CELSR1: variants seen among roughly 807,000 people sequenced by gnomAD.
The protein encoded by CELSR1 is adhesion G protein-coupled receptor C1.
In CELSR1, 110 loss-of-function variants were observed where a neutral mutation model predicts 249.1. The ratio of observed to expected loss-of-function variants is 0.44; its 90% CI spans 0.38 to 0.52. The LOEUF (loss-of-function observed/expected upper bound fraction) is 0.52, where lower values mean the gene tolerates loss of function less well. CELSR1 is among the 20% of genes least tolerant of loss of function. The pLI, the probability that CELSR1 is intolerant of heterozygous loss-of-function variation, is 0.00. For missense variants in CELSR1, 4,109 were observed against 4,296.4 expected, an observed-to-expected ratio of 0.96 and a Z score of 1.22; for synonymous variants, 2,113 against 1,900.0, an observed-to-expected ratio of 1.11 and a Z score of -2.92.
rs532031098 is a variant in CELSR1 at position 46,395,851 on chromosome 22, C to T, written c.5843+754G>A. ...GTGATGACTACGCACCTGTACCCAGCGATCCCCGTGCAAAGGGTACAGAGC... is the reference window on the plus strand; with the variant it reads ...GTGATGACTACGCACCTGTACCCAGTGATCCCCGTGCAAAGGGTACAGAGC... On this transcript the variant is annotated intron_variant, in intron 13 of 34. Transcript: ENST00000674500. The surrounding 1 kb of genome is among the most constrained non-coding windows in gnomAD (Gnocchi z 5.5). Among the ~76,000 whole-genome samples, 1 of 152,304 alleles carries T rather than the reference C, an allele frequency of 6.6e-6. No homozygotes were observed. The highest frequency in any genetic ancestry group is 2.4e-5 in the African/African-American group (1 of 41,560).
intron 1 of CELSR1, among the ~76,000 whole-genome samples, chr22:46,501,587 G>A (rs552126903): frequency 3.9e-5 from 6 of 152,128 alleles, no homozygotes; most frequent in African/African-American, 4.8e-5. Flanking sequence ...AGGAACCTAC[G>A]GAAACACGCA....
intron 1 of CELSR1, among the ~76,000 whole-genome samples, chr22:46,507,766 G>A (rs963655322): frequency 6.6e-6 from 1 of 152,196 alleles, no homozygotes; most frequent in Non-Finnish European, 1.5e-5. Context: ...CAGTGGGGCA[G>A]GGGCCCCACT....
rs139675248 is a variant in CELSR1, at chr22:46,364,708, G to T, written c.8583C>A (p.Ala2861=). The change falls in exon 33 of 35, where the codon GCC becomes GCA. Residue 2861 remains alanine, a synonymous_variant. Transcript: ENST00000674500. ...CAGCCAGGCTCTGGTCGGGCCAGCC[G>T]GCCGGAACGTGGTTGGCCACAGCGT... ...KGDAVANHVP[A]GWPDQSLAES... is the part of the protein sequence containing the mutation. 2.5e-6 allele frequency: 4 copies of T among 1,612,250 alleles called. No homozygotes were observed. Among genetic ancestry groups the T allele is most frequent in the African/African-American group, 1.3e-5 (1 of 74,928 alleles).
chr22:46,520,930 C>A (rs534198218), intron 1 of CELSR1, among the ~76,000 whole-genome samples: 4 of 152,286 alleles, frequency 2.6e-5, no homozygotes, highest in African/African-American at 7.2e-5. Flanking sequence ...TACTTCCTGT[C>A]TCTATGAATT....
At position 46,437,905 on chromosome 22, in the gene CELSR1, A is replaced by C. The variant is rs377657350; in HGVS notation, c.4406+1284T>G. ...TGAGCAGGGAGAAGGGATCTTAATG[A>C]CGACGGGACCAACTCAGTGCAGGCT... On this transcript the variant is annotated intron_variant, in intron 3 of 34. Coordinates refer to ENST00000674500, the MANE Select transcript of CELSR1 (RefSeq NM_001378328.1). This position sits in a 1 kb window ranked among gnomAD's most constrained non-coding sequence, Gnocchi z 4.9. Among the ~76,000 whole-genome samples, 6 of 152,328 alleles carry C rather than the reference A, an allele frequency of 3.9e-5. No homozygotes were observed. The East Asian group carries it at 7.7e-4, about 20-fold the overall frequency.
intron 32 of CELSR1, 144 bp from the exon 33 acceptor site, chr22:46,364,880 G>A (rs1472179941): frequency 2.7e-5 from 23 of 852,438 alleles, no homozygotes; most frequent in Middle Eastern, 3.4e-4. Flanking sequence ...GGGAAACTGA[G>A]GCCCAGGAGG....
In CELSR1 at chr22:46,362,068, A is replaced by G. The variant is rs768283250; in HGVS notation, c.*1155T>C. 1 of 152,290 alleles carries G rather than the reference A, an allele frequency of 6.6e-6. No individual in the cohort carries two copies. The highest frequency in any genetic ancestry group is 1.5e-5 in the Non-Finnish European group (1 of 68,060). The allele number at this position is 152,290 out of a possible 1,614,324, so 9.4% of individuals were successfully genotyped here. ...GAGAACCCTGCCTGGAGATCCTCGC[A>G]GTCTCAGAGAGTTAGAGAATTGGCA... On this transcript the variant is annotated 3_prime_UTR_variant, in exon 35 of 35. Transcript: ENST00000674500.
intron 5 of CELSR1, among the ~76,000 whole-genome samples, chr22:46,432,056 A>G (rs534056407): frequency 3.5e-4 from 53 of 152,260 alleles, no homozygotes; most frequent in Admixed American, 2.2e-3. Context: ...CCCTCCTCCC[A>G]AATGAGGCTC....
In CELSR1 at chr22:46,446,900, C is replaced by A. The variant is rs2079827353; in HGVS notation, c.4184-7489G>T. On this transcript the variant is annotated intron_variant, in intron 2 of 34. Coordinates refer to ENST00000674500, the MANE Select transcript of CELSR1 (RefSeq NM_001378328.1). This position sits in a 1 kb window ranked among gnomAD's most constrained non-coding sequence, Gnocchi z 5.5. ...TGGACCAGCCGGGGAAGGTCCTGTC[C>A]CTGTGTTCCTTAGGGCTGACTCCTA... 6.6e-6 allele frequency among the ~76,000 whole-genome samples: 1 copy of A among 152,048 alleles called. No individual in the cohort carries two copies. Among genetic ancestry groups the A allele is most frequent in the Admixed American group, 6.5e-5 (1 of 15,270 alleles).
At chr22:46,405,504 G>T (rs909045344) in intron 9 of CELSR1, among the ~76,000 whole-genome samples, 1 of 150,034 alleles carries the variant, frequency 6.7e-6, no homozygotes, top group East Asian at 2.0e-4. Flanking sequence ...CTCTTGCATT[G>T]TTCTTGCTTA....
At chr22:46,483,996 C>T (rs2080291395) in intron 1 of CELSR1, among the ~76,000 whole-genome samples, 1 of 152,216 alleles carries the variant, frequency 6.6e-6, no homozygotes, top group African/African-American at 2.4e-5. Flanking sequence ...AAGCCACATC[C>T]CTTGCCTCCA....
chr22:46,524,250 C>T (rs1047231552), intron 1 of CELSR1, among the ~76,000 whole-genome samples: 8 of 152,250 alleles, frequency 5.3e-5, no homozygotes, highest in African/African-American at 1.9e-4. Flanking sequence ...ACTGAACAGG[C>T]ACCGCGGTGG....
rs1279672347 is a variant in CELSR1, at chr22:46,473,435, T to A, written c.3545-9090A>T. 6.6e-6 allele frequency among the ~76,000 whole-genome samples: 1 copy of A among 151,826 alleles called. No individual in the cohort carries two copies. Among genetic ancestry groups the A allele is most frequent in the Non-Finnish European group, 1.5e-5 (1 of 67,916 alleles). ...ACCTGGGGCCTTGGAGATGACCCAG[T>A]GAGATGGAGCCACAGGCAGCTGGAG... On this transcript the variant is annotated intron_variant, in intron 1 of 34. Coordinates refer to ENST00000674500, the MANE Select transcript of CELSR1 (RefSeq NM_001378328.1). The surrounding 1 kb of genome is among the most constrained non-coding windows in gnomAD (Gnocchi z 6.6).
chr22:46,408,874 G>A lies in CELSR1; in HGVS notation c.5226+122C>T, dbSNP rs1353346227. On this transcript the variant is annotated intron_variant, in intron 9 of 34. Transcript: ENST00000674500. The surrounding 1 kb of genome is among the most constrained non-coding windows in gnomAD (Gnocchi z 4.6). ...TTCCCCCTCTTCGGAGAACCCCAGG[G>A]GCGGGCGCCGGAGGAAGGGCGAGTA... 1 of 738,354 alleles carries A rather than the reference G, an allele frequency of 1.4e-6. No homozygotes were observed. The highest frequency in any genetic ancestry group is 1.8e-5 in the African/African-American group (1 of 55,438). The allele number at this position is 738,354 out of a possible 1,614,324, so 45.7% of individuals were successfully genotyped here.
At chr22:46,480,162 G>C (rs924858617) in intron 1 of CELSR1, among the ~76,000 whole-genome samples, 1 of 152,156 alleles carries the variant, frequency 6.6e-6, no homozygotes, top group Non-Finnish European at 1.5e-5. Context: ...CTGCAAGATT[G>C]TCCTGTCGTT....
intron 19 of CELSR1, 139 bp downstream of exon 19, chr22:46,386,263 C>A: frequency 1.0e-6 from 1 of 975,884 alleles, no homozygotes; most frequent in Admixed American, 3.3e-5. Context: ...AGCCACTGTG[C>A]CCGGCCTCAC....
rs1284878575 is a variant in CELSR1 at position 46,428,221 on chromosome 22, G to A, written c.4611+5172C>T. On this transcript the variant is annotated intron_variant, in intron 5 of 34. Transcript: ENST00000674500. The surrounding 1 kb of genome is among the most constrained non-coding windows in gnomAD (Gnocchi z 5.7). ...CGCAGCATGCCAAAGACAGCCCCGC[G>A]CCATCTCAGAATCACCAGAACCAGA... Among the ~76,000 whole-genome samples the A allele has an allele frequency of 3.9e-5, 6 of 152,162 alleles. No individual in the cohort carries two copies. The highest frequency in any genetic ancestry group is 1.4e-4 in the African/African-American group (6 of 41,432).
intron 1 of CELSR1, among the ~76,000 whole-genome samples, chr22:46,489,634 C>T (rs940830370): frequency 2.4e-4 from 37 of 152,050 alleles, no homozygotes; most frequent in African/African-American, 8.7e-4. Flanking sequence ...CATCTTTGGC[C>T]GTGCACGGTG....
In CELSR1 at chr22:46,433,256, A is replaced by G; in HGVS notation, c.4611+137T>C. 3 of 598,928 alleles carry G rather than the reference A, an allele frequency of 5.0e-6. No homozygotes were observed. The highest frequency in any genetic ancestry group is 4.1e-4 in the Middle Eastern group (1 of 2,426). 37.1% of individuals were successfully genotyped at this position (598,928 alleles called of 1,614,324 possible). A position where few individuals can be genotyped will look rare whatever the true frequency, so the allele number is the denominator to read the frequency against. On this transcript the variant is annotated intron_variant, in intron 5 of 34. Transcript: ENST00000674500. This position sits in a 1 kb window ranked among gnomAD's most constrained non-coding sequence, Gnocchi z 5.7. ...CGCCACGTTGGCCAAGCTGGTCTCG[A>G]GCTCCTGACCTCAGGTAATCCACCT...
Sources: gnomAD v4.1 joint callset for allele counts (sites outside exome capture counted in the v4.1 genomes callset) on GRCh38, gnomAD v4.1.1 for gene constraint, Gnocchi (gnomAD v3.1) non-coding constraint, MANE v1.5 for transcripts, NCBI Gene and HGNC (gene_info 2026-07-23, HGNC 2026-07-21) for gene names.